Variants in ACACA observed in about 807,000 individuals in gnomAD.
ACACA encodes the protein acetyl-CoA carboxylase alpha.
A neutral mutation model predicts 296.1 loss-of-function variants in ACACA; 103 were observed. The observed-to-expected ratio is 0.35, with a 90% CI of 0.30 to 0.41. The LOEUF (loss-of-function observed/expected upper bound fraction) is 0.41. Ranked by LOEUF, ACACA falls within the 10% of genes least tolerant of loss-of-function variation. The pLI, the probability that ACACA is intolerant of heterozygous loss-of-function variation, is 1.00. For missense variants in ACACA, 1,554 were observed against 2,989.7 expected, an observed-to-expected ratio of 0.52 and a Z score of 11.20; for synonymous variants, 953 against 1,038.6, an observed-to-expected ratio of 0.92 and a Z score of 1.58.
rs1189702855 is a variant in ACACA at position 37,153,357 on chromosome 17, A to G, written c.5448-1936T>C. On this transcript the variant is annotated intron_variant, in intron 43 of 55. Coordinates refer to ENST00000616317, the MANE Select transcript of ACACA (RefSeq NM_198834.3). ...TGAACTCCCAGAAGCACTACAAGATATTTTAAATTTTTGAGAGAAGCACTA... is the reference window on the plus strand; with the variant it reads ...TGAACTCCCAGAAGCACTACAAGATGTTTTAAATTTTTGAGAGAAGCACTA... Among the ~76,000 whole-genome samples, 103 of 152,216 alleles carry G rather than the reference A, an allele frequency of 6.8e-4. 1 individual carries two copies. Among genetic ancestry groups the G allele is most frequent in the Non-Finnish European group, 2.9e-5 (2 of 68,042 alleles).
intron 3 of ACACA, among the ~76,000 whole-genome samples, chr17:37,306,099 G>A (rs1345128237): frequency 1.3e-5 from 2 of 151,852 alleles, no homozygotes; most frequent in Non-Finnish European, 1.5e-5. Context: ...TAGTAGAGAA[G>A]GGGTTTCACC....
chr17:37,379,932 C>T (rs1486627413), intron 1 of ACACA, among the ~76,000 whole-genome samples: 1 of 148,654 alleles, frequency 6.7e-6, no homozygotes, highest in Non-Finnish European at 1.5e-5. Context: ...TGGGTATATA[C>T]CCAAAGGACT....
rs537072260 is a variant in ACACA, at chr17:37,263,025, C to T, written c.1329+660G>A. Among the ~76,000 whole-genome samples, 38 of 152,244 alleles carry T rather than the reference C, an allele frequency of 2.5e-4. 1 individual carries two copies. In the South Asian group the frequency reaches 7.5e-3, roughly 30 times the overall value. On this transcript the variant is annotated intron_variant, in intron 11 of 55. Coordinates refer to ENST00000616317, the MANE Select transcript of ACACA (RefSeq NM_198834.3). ...GATTACAGGCAAGAGCCACCATGCC[C>T]GGCCAAGCCACTGTATTTTGAAGGC...
At chr17:37,405,236 C>G (rs963868041) in intron 1 of ACACA, among the ~76,000 whole-genome samples, 2 of 152,146 alleles carry the variant, frequency 1.3e-5, no homozygotes, top group African/African-American at 4.8e-5. Flanking sequence ...TCCTTTTATC[C>G]TGATTTATTT....
chr17:37,399,127 G>A (rs1310427850), intron 1 of ACACA, among the ~76,000 whole-genome samples: 1 of 150,988 alleles, frequency 6.6e-6, no homozygotes, highest in Non-Finnish European at 1.5e-5. Context: ...TTATAAGCAT[G>A]CACCACCATG....
At chr17:37,243,612 TAA>T in intron 21 of ACACA, 53 bp from the exon 22 acceptor site, 4 of 1,564,086 alleles carry the variant, frequency 2.6e-6, no homozygotes, top group Non-Finnish European at 2.6e-6. Flanking sequence ...ATCCCCCAAA[TAA>T]AAAGATATAT....
intron 3 of ACACA, among the ~76,000 whole-genome samples, chr17:37,326,820 C>T (rs942306916): frequency 6.6e-6 from 1 of 151,332 alleles, no homozygotes; most frequent in Non-Finnish European, 1.5e-5. Context: ...CAGAGCGAGT[C>T]TCCCTCTAAA....
chr17:37,301,610 G>A (rs1362321038), intron 3 of ACACA, among the ~76,000 whole-genome samples: 1 of 152,176 alleles, frequency 6.6e-6, no homozygotes, highest in Admixed American at 6.5e-5. Context: ...AAAATCAAGT[G>A]ACCATATATT....
At chr17:37,285,137 T>C (rs1041562268) in intron 3 of ACACA, among the ~76,000 whole-genome samples, 167 bp from the exon 4 acceptor site, 1 of 152,038 alleles carries the variant, frequency 6.6e-6, no homozygotes, top group Non-Finnish European at 1.5e-5. Flanking sequence ...ATCTTGCTTG[T>C]GGAAATTTAA....
At chr17:37,210,940 G>A (rs1311957394) in intron 29 of ACACA, among the ~76,000 whole-genome samples, 1 of 152,084 alleles carries the variant, frequency 6.6e-6, no homozygotes, top group Non-Finnish European at 1.5e-5. Flanking sequence ...GTCCAGGGAA[G>A]TTGATTCCAC....
intron 45 of ACACA, among the ~76,000 whole-genome samples, chr17:37,138,812 A>C (rs894859863): frequency 2.6e-5 from 4 of 152,212 alleles, no homozygotes; most frequent in Non-Finnish European, 4.4e-5. Context: ...CTATTGCATG[A>C]TATATTTCAA....
chr17:37,257,393 A>G (rs1320198563), intron 14 of ACACA, among the ~76,000 whole-genome samples: 2 of 152,176 alleles, frequency 1.3e-5, no homozygotes, highest in Non-Finnish European at 2.9e-5. Flanking sequence ...CCTCCCCTCA[A>G]TAACAATACT....
intron 1 of ACACA, chr17:37,391,813 A>T (rs1315778189): frequency 1.7e-5 from 20 of 1,156,904 alleles, no homozygotes; most frequent in Non-Finnish European, 2.3e-5. Flanking sequence ...TCACACTTGT[A>T]TCTTCAGCAG....
At chr17:37,376,137 T>C in intron 1 of ACACA, 3 of 1,612,054 alleles carry the variant, frequency 1.9e-6, no homozygotes, top group Non-Finnish European at 2.5e-6. Context: ...CATCCTATGA[T>C]GCCAACAAGA....
intron 7 of ACACA, among the ~76,000 whole-genome samples, 166 bp downstream of exon 7, chr17:37,276,867 G>C (rs562945604): frequency 5.9e-5 from 9 of 151,764 alleles, no homozygotes; most frequent in African/African-American, 2.2e-4. Context: ...TGAAAAAAAA[G>C]AAAGAAATGA....
At chr17:37,291,237 G>A (rs1003867510) in intron 3 of ACACA, among the ~76,000 whole-genome samples, 1 of 150,874 alleles carries the variant, frequency 6.6e-6, no homozygotes, top group African/African-American at 2.5e-5. Context: ...GTACAATGGT[G>A]CAATCTCAGC....
intron 52 of ACACA, among the ~76,000 whole-genome samples, chr17:37,110,864 A>T (rs1193558709): frequency 6.6e-6 from 1 of 152,188 alleles, no homozygotes; most frequent in Non-Finnish European, 1.5e-5. Flanking sequence ...CTGGGCAGAA[A>T]ATCAGTGTTT....
At position 37,260,277 on chromosome 17, in the gene ACACA, TATATATATATATATATATA is replaced by T. The variant is rs1229455986; in HGVS notation, c.1330-766_1330-748del. On this transcript the variant is annotated intron_variant, in intron 11 of 55. Coordinates refer to ENST00000616317, the MANE Select transcript of ACACA (RefSeq NM_198834.3). ...ATATATATATATATATATATATATATATATATATATATATATATATTTTTTTTTTTTTTTTTTTTGGAGA... is the reference window on the plus strand; with the variant it reads ...ATATATATATATATATATATATATATTTTTTTTTTTTTTTTTTTTTGGAGA... Among the ~76,000 whole-genome samples, 90 of 31,816 alleles carry T rather than the reference TATATATATATATATATATA, an allele frequency of 2.8e-3. 1 individual carries two copies. The highest frequency in any genetic ancestry group is 0.011 in the African/African-American group (59 of 5,136). The allele number at this position is 31,816 out of a possible 152,430, so 20.9% of individuals were successfully genotyped here. A position where few individuals can be genotyped will look rare whatever the true frequency, so the allele number is the denominator to read the frequency against.
intron 51 of ACACA, 120 bp downstream of exon 51, chr17:37,112,967 CT>C (rs2074059109): frequency 1.6e-6 from 2 of 1,227,140 alleles, no homozygotes; most frequent in African/African-American, 1.5e-5. Flanking sequence ...AAGGAAAAAG[CT>C]TTGGTTTGGA....
Sources: gnomAD v4.1 joint callset for allele counts (sites outside exome capture counted in the v4.1 genomes callset) on GRCh38, gnomAD v4.1.1 for gene constraint, MANE v1.5 for transcripts, NCBI Gene and HGNC (gene_info 2026-07-23, HGNC 2026-07-21) for gene names.